The following DPYD variants were observed in gnomAD, a reference collection of about 807,000 sequenced individuals.
The protein encoded by DPYD is dihydropyrimidine dehydrogenase [NADP(+)].
A neutral mutation model predicts 116.2 loss-of-function variants in DPYD; 109 were observed. The ratio of observed to expected loss-of-function variants is 0.94; its 90% CI spans 0.80 to 1.10. The LOEUF is 1.10. DPYD is among the 50% of genes least tolerant of loss of function. DPYD has a pLI of 0.00. For missense variants in DPYD, 1,302 were observed against 1,254.5 expected, an observed-to-expected ratio of 1.04 and a Z score of -0.57; for synonymous variants, 440 against 432.0, an observed-to-expected ratio of 1.02 and a Z score of -0.23.
chr1:97,660,227 C>T (rs976627282), intron 8 of DPYD, among the ~76,000 whole-genome samples: 21 of 152,052 alleles, frequency 1.4e-4, no homozygotes, highest in African/African-American at 5.1e-4. Flanking sequence ...TGGCTCAAAC[C>T]AGCTTTGTGT....
intron 8 of DPYD, among the ~76,000 whole-genome samples, chr1:97,614,475 A>T (rs1204327129): frequency 2.6e-5 from 4 of 152,108 alleles, no homozygotes; most frequent in Admixed American, 2.0e-4. Context: ...ATAAAACCAT[A>T]GTAGACTAGA....
chr1:97,336,388 C>T (rs1377119815), intron 16 of DPYD, among the ~76,000 whole-genome samples: 1 of 152,278 alleles, frequency 6.6e-6, no homozygotes, highest in African/African-American at 2.4e-5. Context: ...CCTGAGGTGT[C>T]GATACCTACT....
intron 18 of DPYD, among the ~76,000 whole-genome samples, chr1:97,237,875 T>C (rs1035543406): frequency 6.6e-6 from 1 of 152,156 alleles, no homozygotes; most frequent in South Asian, 2.1e-4. Context: ...GAGAGTAAAT[T>C]TGAGCTAAGT....
intron 3 of DPYD, among the ~76,000 whole-genome samples, chr1:97,767,689 G>A (rs886081141): frequency 6.6e-6 from 1 of 151,180 alleles, no homozygotes; most frequent in Non-Finnish European, 1.5e-5. Flanking sequence ...AGCCCTGACA[G>A]GATGCATAAG....
intron 3 of DPYD, among the ~76,000 whole-genome samples, chr1:97,821,331 CAA>C (rs35940342): frequency 4.4e-5 from 5 of 113,842 alleles, no homozygotes; most frequent in Admixed American, 9.9e-5. Context: ...AACTCCACCT[CAA>C]AAAAAAAAAA....
intron 18 of DPYD, among the ~76,000 whole-genome samples, chr1:97,244,455 G>A (rs1171077996): frequency 6.6e-6 from 1 of 151,964 alleles, no homozygotes; most frequent in African/African-American, 2.4e-5. Context: ...AGGACATTCA[G>A]ATTTAGAAAG....
intron 3 of DPYD, among the ~76,000 whole-genome samples, chr1:97,749,599 A>G (rs1287163908): frequency 5.9e-5 from 9 of 152,218 alleles, no homozygotes; most frequent in Admixed American, 5.9e-4. Context: ...CATAAATGCA[A>G]CCACATATAT....
chr1:97,549,934 T>C (rs1426299477), intron 11 of DPYD, among the ~76,000 whole-genome samples, 190 bp from the exon 12 acceptor site: 1 of 152,206 alleles, frequency 6.6e-6, no homozygotes, highest in African/African-American at 2.4e-5. Context: ...GGGCACTGAC[T>C]TAACTTTACA....
At chr1:97,188,393 C>G (rs901290091) in intron 20 of DPYD, among the ~76,000 whole-genome samples, 8 of 152,214 alleles carry the variant, frequency 5.3e-5, no homozygotes, top group East Asian at 1.9e-4. Context: ...CATTGACTTT[C>G]TTTTTTCCTC....
At chr1:97,489,213 G>A (rs897903938) in intron 13 of DPYD, among the ~76,000 whole-genome samples, 3 of 152,118 alleles carry the variant, frequency 2.0e-5, no homozygotes, top group African/African-American at 7.2e-5. Context: ...ATATTTTCAC[G>A]GAACCACAGA....
At chr1:97,851,780 T>C (rs1181553867) in intron 2 of DPYD, among the ~76,000 whole-genome samples, 1 of 151,756 alleles carries the variant, frequency 6.6e-6, no homozygotes, top group Non-Finnish European at 1.5e-5. Flanking sequence ...TCAATTATAA[T>C]GCACTATACA....
intron 14 of DPYD, among the ~76,000 whole-genome samples, chr1:97,398,107 C>T (rs1673118967): frequency 6.6e-6 from 1 of 152,066 alleles, no homozygotes; most frequent in Non-Finnish European, 1.5e-5. Flanking sequence ...TCCCCCAACC[C>T]CACAACAGGC....
At chr1:97,251,206 G>C (rs1025827039) in intron 18 of DPYD, among the ~76,000 whole-genome samples, 2 of 151,920 alleles carry the variant, frequency 1.3e-5, no homozygotes, top group African/African-American at 4.8e-5. Context: ...AGACCAGCCT[G>C]GCCGACATGG....
chr1:97,527,905 T>A (rs1457130712), intron 12 of DPYD, among the ~76,000 whole-genome samples: 1 of 152,092 alleles, frequency 6.6e-6, no homozygotes, highest in Non-Finnish European at 1.5e-5. Flanking sequence ...TTCCATGCAA[T>A]TCAAAATAAT....
chr1:97,487,604 C>T lies in DPYD; in HGVS notation c.1740+28122G>A, dbSNP rs372560487. ...AGGAGAATGGCGTGAACCTGGGAGG[C>T]GGAGCTTGCAGTGAGCTGAGATTGC... On this transcript the variant is annotated intron_variant, in intron 13 of 22. Transcript: ENST00000370192. 3.9e-4 allele frequency among the ~76,000 whole-genome samples: 60 copies of T among 152,114 alleles called. 1 individual carries two copies. The East Asian group carries it at 6.8e-3, about 17-fold the overall frequency.
At chr1:97,337,423 A>G (rs920607390) in intron 16 of DPYD, among the ~76,000 whole-genome samples, 1 of 152,126 alleles carries the variant, frequency 6.6e-6, no homozygotes, top group Non-Finnish European at 1.5e-5. Context: ...TTCCTGTCCA[A>G]ACGAAAGCTA....
At chr1:97,915,843 A>T (rs1674183150) in intron 1 of DPYD, among the ~76,000 whole-genome samples, 1 of 152,222 alleles carries the variant, frequency 6.6e-6, no homozygotes, top group African/African-American at 2.4e-5. Context: ...CTTTAGCTGT[A>T]TTGAAGCCTG....
chr1:97,679,976 C>T (rs760101413), intron 7 of DPYD, among the ~76,000 whole-genome samples: 3 of 152,052 alleles, frequency 2.0e-5, no homozygotes, highest in Non-Finnish European at 4.4e-5. Context: ...ATTTCAAGGA[C>T]TATTAAGCAC....
intron 20 of DPYD, among the ~76,000 whole-genome samples, chr1:97,191,293 G>A (rs746403899): frequency 1.3e-5 from 2 of 152,070 alleles, no homozygotes; most frequent in East Asian, 3.9e-4. Context: ...CACTACTGGG[G>A]ATATAAATCT....
Sources: gnomAD v4.1 joint callset for allele counts (sites outside exome capture counted in the v4.1 genomes callset) on GRCh38, gnomAD v4.1.1 for gene constraint, MANE v1.5 for transcripts, NCBI Gene and HGNC (gene_info 2026-07-23, HGNC 2026-07-21) for gene names.